Variants in ART3 observed in about 807,000 individuals in gnomAD.
The protein encoded by ART3 is ecto-ADP-ribosyltransferase 3.
Under a neutral mutation model 48.5 loss-of-function variants are expected in ART3, and 49 were observed. That is an observed-to-expected ratio of 1.01 (90% CI 0.80 to 1.28). The LOEUF (loss-of-function observed/expected upper bound fraction) is 1.28. Among genes scored for constraint, ART3 ranks in the 50% most tolerant of loss-of-function variants. The probability of loss-of-function intolerance (pLI) is 0.00; values close to 1 mark genes in which losing one functional copy is unlikely to be tolerated. For missense variants in ART3, 438 were observed against 454.3 expected, an observed-to-expected ratio of 0.96 and a Z score of 0.33; for synonymous variants, 145 against 157.2, an observed-to-expected ratio of 0.92 and a Z score of 0.58.
chr4:76,050,277 T>C (rs968083697), intron 1 of ART3, among the ~76,000 whole-genome samples: 4 of 152,232 alleles, frequency 2.6e-5, no homozygotes, highest in African/African-American at 4.8e-5. Context: ...TTGGTAGAGC[T>C]GAGTGGTCTG....
At chr4:76,101,723 G>C (rs1727360088) in intron 8 of ART3, among the ~76,000 whole-genome samples, 1 of 151,968 alleles carries the variant, frequency 6.6e-6, no homozygotes, top group African/African-American at 2.4e-5. Context: ...CTGCACTCTA[G>C]CCTGGGTGAC....
chr4:76,031,954 T>G (rs898899024), intron 1 of ART3, among the ~76,000 whole-genome samples: 2 of 152,146 alleles, frequency 1.3e-5, no homozygotes, highest in Non-Finnish European at 2.9e-5. Context: ...AAAGGCTTCT[T>G]GGAGAAAAAG....
chr4:76,083,449 T>C (rs986434898), intron 3 of ART3, among the ~76,000 whole-genome samples: 1 of 152,208 alleles, frequency 6.6e-6, no homozygotes, highest in Non-Finnish European at 1.5e-5. Context: ...TTTTTATGTG[T>C]TCAGCTGTAA....
At chr4:76,088,350 T>C (rs1724070530) in intron 3 of ART3, among the ~76,000 whole-genome samples, 1 of 151,748 alleles carries the variant, frequency 6.6e-6, no homozygotes, top group African/African-American at 2.4e-5. Context: ...ACATAATTTA[T>C]AGAGTAAGAG....
chr4:76,051,091 G>A (rs888818257), intron 1 of ART3, among the ~76,000 whole-genome samples: 14 of 152,384 alleles, frequency 9.2e-5, no homozygotes, highest in Admixed American at 2.0e-4. Context: ...GGCCAGCCCA[G>A]AAAGGGGCTC....
rs1729721553 is a variant in ART3, at chr4:76,112,774, G to T, written c.*255G>T. The T allele has an allele frequency of 3.0e-6, 1 of 329,848 alleles. No individual in the cohort carries two copies. The highest frequency in any genetic ancestry group is 5.4e-6 in the Non-Finnish European group (1 of 184,010). 20.4% of individuals were successfully genotyped at this position (329,848 alleles called of 1,614,324 possible). ...ATACTTCTGATTAAATTCAATAAAA[G>T]ATTTTGATTAGATATTTCAGAATTG... On this transcript the variant is annotated 3_prime_UTR_variant, in exon 12 of 12. Coordinates refer to ENST00000355810, the MANE Select transcript of ART3 (RefSeq NM_001130016.3).
chr4:76,104,560 C>T, intron 9 of ART3, 37 bp from the exon 10 acceptor site: 1 of 1,551,428 alleles, frequency 6.4e-7, no homozygotes, highest in Non-Finnish European at 8.7e-7. Flanking sequence ...CTCAGTGGAG[C>T]AAACTGTAAG....
chr4:76,091,472 C>T (rs977061429), intron 3 of ART3, among the ~76,000 whole-genome samples: 1 of 152,160 alleles, frequency 6.6e-6, no homozygotes, highest in African/African-American at 2.4e-5. Context: ...TTTTAATTTG[C>T]ATGTTCCTAA....
chr4:76,071,179 G>A (rs1480504065), upstream of ART3, among the ~76,000 whole-genome samples: 3 of 151,828 alleles, frequency 2.0e-5, no homozygotes, highest in African/African-American at 7.3e-5. Context: ...GTGAAACCCC[G>A]TCTCTAGTAA....
Position 76,112,413 on chromosome 4 carries a change from C to G in ART3, c.1064C>G (p.Pro355Arg), listed in dbSNP as rs1269037271. The G allele has an allele frequency of 1.2e-6, 2 of 1,613,846 alleles. No homozygotes were observed. Among genetic ancestry groups the G allele is most frequent in the Non-Finnish European group, 1.7e-6 (2 of 1,179,878 alleles). The change falls in exon 12 of 12, where the codon CCC becomes CGC. Residue 355 changes from proline to arginine, a missense_variant. By Grantham distance (103) the Pro-to-Arg change is moderately radical. This residue lies in a region of ART3 where 227 missense variants were observed against 229.6 expected (regional missense o/e 0.99). Coordinates refer to ENST00000355810, the MANE Select transcript of ART3 (RefSeq NM_001130016.3). ...PTPGPVPVPG[P>R]KSHPSASSGK... ...CCAGGTCCAGTTCCTGTTCCAGGTCCCAAAAGCCATCCTTCTGCATCCTCG... is the reference window on the plus strand; with the variant it reads ...CCAGGTCCAGTTCCTGTTCCAGGTCGCAAAAGCCATCCTTCTGCATCCTCG...
chr4:76,065,552 A>ACACACACACACACAC (rs1719648260), intron 1 of ART3, among the ~76,000 whole-genome samples: 1 of 145,292 alleles, frequency 6.9e-6, no homozygotes, highest in African/African-American at 2.6e-5. Flanking sequence ...ATAACCCTCC[A>ACACACACACACACAC]ACACACACAC....
chr4:76,051,088 C>T (rs1736036563), intron 1 of ART3, among the ~76,000 whole-genome samples: 1 of 152,258 alleles, frequency 6.6e-6, no homozygotes, highest in South Asian at 2.1e-4. Flanking sequence ...CTTGGCCAGC[C>T]CAGAAAGGGG....
At chr4:76,026,889 A>G (rs772341692) in intron 1 of ART3, among the ~76,000 whole-genome samples, 12 of 152,192 alleles carry the variant, frequency 7.9e-5, no homozygotes, top group Non-Finnish European at 5.9e-5. Flanking sequence ...GAGATCCAAT[A>G]TTTATCCTTG....
At chr4:76,085,843 G>A (rs1388789593) in intron 3 of ART3, among the ~76,000 whole-genome samples, 4 of 152,086 alleles carry the variant, frequency 2.6e-5, no homozygotes, top group East Asian at 1.9e-4. Context: ...AGGCCGAGGC[G>A]GGCAGATCAC....
intron 1 of ART3, among the ~76,000 whole-genome samples, chr4:76,051,633 G>A (rs556666499): frequency 2.3e-4 from 35 of 151,456 alleles, no homozygotes; most frequent in African/African-American, 8.5e-4. Context: ...TCTGCCTCCC[G>A]GGCACAAACC....
At chr4:76,072,200 C>T (rs1029448350), upstream of ART3, among the ~76,000 whole-genome samples, 2 of 152,220 alleles carry the variant, frequency 1.3e-5, no homozygotes, top group African/African-American at 4.8e-5. Context: ...AACACTTTAA[C>T]TGTATAATAA....
intron 10 of ART3, chr4:76,105,776 T>G (rs1294431880): frequency 1.0e-6 from 1 of 985,318 alleles, no homozygotes; most frequent in Admixed American, 6.1e-5. Flanking sequence ...AAAAAGGCAC[T>G]TGATCTTAAA....
chr4:76,020,114 C>CTT lies in ART3; in HGVS notation c.-10+8804_-10+8805dup, dbSNP rs572701495. Among the ~76,000 whole-genome samples the CTT allele has an allele frequency of 2.3e-3, 332 of 145,026 alleles. 1 individual carries two copies. The highest frequency in any genetic ancestry group is 7.3e-3 in the African/African-American group (289 of 39,702). ...TGAAATTCTTACTCACTTCTGTTTCCTTTTTTTTTTTCTTCTTTTTTTTTC... is the reference window on the plus strand; with the variant it reads ...TGAAATTCTTACTCACTTCTGTTTCCTTTTTTTTTTTTTCTTCTTTTTTTTTC... On this transcript the variant is annotated intron_variant, in intron 1 of 9. Transcript: ENST00000341029.
intron 1 of ART3, chr4:76,034,789 A>AT: frequency 6.5e-7 from 1 of 1,533,444 alleles, no homozygotes; most frequent in Non-Finnish European, 9.0e-7. Flanking sequence ...ATGTTTTGAT[A>AT]TTTTTAAAAA....
Sources: gnomAD v4.1 joint callset for allele counts (sites outside exome capture counted in the v4.1 genomes callset) on GRCh38, gnomAD v4.1.1 for gene constraint, gnomAD v4.1.1 regional missense constraint, MANE v1.5 for transcripts, NCBI Gene and HGNC (gene_info 2026-07-23, HGNC 2026-07-21) for gene names.